Variants in CNTN4 observed in about 807,000 individuals in gnomAD.
CNTN4 encodes the protein contactin 4.
CNTN4 carries 77 observed loss-of-function variants against 122.5 expected under a neutral mutation model. The observed-to-expected ratio is 0.63, with a 90% confidence interval of 0.52 to 0.76. The LOEUF is 0.76. CNTN4 is among the 30% of genes least tolerant of loss of function. The pLI is 0.00. For missense variants in CNTN4, 1,256 were observed against 1,259.1 expected (o/e 1.00, Z 0.04); for synonymous variants, 512 against 447.0 (o/e 1.15, Z -1.83).
At chr3:2,274,641 A>T (rs976010984) in intron 2 of CNTN4, among the ~76,000 whole-genome samples, 1 of 152,154 alleles carries the variant, frequency 6.6e-6, no homozygotes, top group Non-Finnish European at 1.5e-5. Context: ...GCAAGTTAAA[A>T]TGTCAAGTAT....
chr3:2,296,798 AAAC>A (rs754468527), intron 2 of CNTN4, among the ~76,000 whole-genome samples: 28 of 90,648 alleles, frequency 3.1e-4, no homozygotes, highest in African/African-American at 1.1e-3. Flanking sequence ...TGAAAAAAAA[AAAC>A]AACAAAAAAC....
intron 3 of CNTN4, among the ~76,000 whole-genome samples, chr3:2,365,265 G>A (rs17213245): frequency 0.11 from 17,383 of 152,116 alleles, 1,244 homozygotes; most frequent in Non-Finnish European, 0.16. Flanking sequence ...TAGTTCCTAC[G>A]TTTAACCTGC....
intron 23 of CNTN4, among the ~76,000 whole-genome samples, chr3:3,050,694 C>T (rs1248654410): frequency 2.2e-5 from 3 of 135,592 alleles, no homozygotes; most frequent in African/African-American, 8.3e-5. Context: ...ACCCGGGAGG[C>T]GGAGGTTGTA....
intron 3 of CNTN4, among the ~76,000 whole-genome samples, chr3:2,399,979 A>G (rs1216708186): frequency 6.6e-6 from 1 of 152,078 alleles, no homozygotes; most frequent in Non-Finnish European, 1.5e-5. Context: ...ATAATTCAGG[A>G]AGAAATATAA....
intron 3 of CNTN4, among the ~76,000 whole-genome samples, chr3:2,525,433 T>C (rs2077367198): frequency 6.6e-6 from 1 of 152,148 alleles, no homozygotes; most frequent in African/African-American, 2.4e-5. Context: ...TTTCAGTCAG[T>C]TGAAAATATT....
At position 2,537,556 on chromosome 3, in the gene CNTN4, G is replaced by C. The variant is rs116061563; in HGVS notation, c.-88-33860G>C. 6.7e-3 allele frequency among the ~76,000 whole-genome samples: 1,022 copies of C among 152,102 alleles called. 8 individuals are homozygous for C. Among genetic ancestry groups the C allele is most frequent in the African/African-American group, 0.023 (967 of 41,502 alleles). On this transcript the variant is annotated intron_variant, in intron 3 of 24. Transcript: ENST00000418658. ...CTACATCTGATGAAAACTGTCCACT[G>C]TTCACATTATTTGTCATATGTATCT...
At chr3:2,535,919 G>A (rs2077786378) in intron 3 of CNTN4, among the ~76,000 whole-genome samples, 1 of 152,076 alleles carries the variant, frequency 6.6e-6, no homozygotes, top group African/African-American at 2.4e-5. Flanking sequence ...TTGGAAGCCT[G>A]AAGAAATCCC....
At chr3:2,176,157 A>G (rs543451669) in intron 2 of CNTN4, among the ~76,000 whole-genome samples, 1 of 152,180 alleles carries the variant, frequency 6.6e-6, no homozygotes. Flanking sequence ...TGCATTAACT[A>G]TGTAGCCAAT....
intron 4 of CNTN4, among the ~76,000 whole-genome samples, chr3:2,583,019 A>G (rs2080017100): frequency 6.6e-6 from 1 of 152,216 alleles, no homozygotes; most frequent in Non-Finnish European, 1.5e-5. Context: ...GCATAAGTAA[A>G]AAGAGACAAA....
intron 12 of CNTN4, among the ~76,000 whole-genome samples, chr3:2,914,279 T>A (rs2094331551): frequency 1.3e-5 from 2 of 151,916 alleles, no homozygotes; most frequent in African/African-American, 4.8e-5. Flanking sequence ...GAAAAATCAG[T>A]AGAAGTAATA....
At chr3:2,360,678 AAGG>A (rs2045095708) in intron 3 of CNTN4, among the ~76,000 whole-genome samples, 1 of 152,174 alleles carries the variant, frequency 6.6e-6, no homozygotes, top group South Asian at 2.1e-4. Flanking sequence ...GGGAAGCAGG[AAGG>A]AGAATTCCCA....
chr3:2,480,067 C>T (rs886255344), intron 3 of CNTN4, among the ~76,000 whole-genome samples: 1 of 152,024 alleles, frequency 6.6e-6, no homozygotes, highest in Non-Finnish European at 1.5e-5. Flanking sequence ...AGATTCAACA[C>T]TCATTCATGA....
intron 3 of CNTN4, among the ~76,000 whole-genome samples, chr3:2,506,984 G>A (rs183268827): frequency 6.6e-6 from 1 of 152,240 alleles, no homozygotes; most frequent in African/African-American, 2.4e-5. Flanking sequence ...TGGAATTATA[G>A]GACATTCTTG....
At chr3:2,886,042 G>A (rs898273261) in intron 9 of CNTN4, among the ~76,000 whole-genome samples, 1 of 152,072 alleles carries the variant, frequency 6.6e-6, no homozygotes, top group Non-Finnish European at 1.5e-5. Flanking sequence ...CATCACTTCT[G>A]TCTTATTTAT....
intron 13 of CNTN4, among the ~76,000 whole-genome samples, chr3:2,952,624 A>G (rs960897164): frequency 2.0e-5 from 3 of 152,214 alleles, no homozygotes; most frequent in African/African-American, 7.2e-5. Context: ...ACTGAAGAAT[A>G]TAACATTTTC....
At chr3:2,268,275 G>A (rs1037095295) in intron 2 of CNTN4, among the ~76,000 whole-genome samples, 2 of 152,000 alleles carry the variant, frequency 1.3e-5, no homozygotes, top group South Asian at 2.1e-4. Flanking sequence ...ACTTGAGAGA[G>A]CAAGCCTATA....
Position 2,306,455 on chromosome 3 carries a change from T to C in CNTN4, c.-144-32723T>C, listed in dbSNP as rs553345835. Among the ~76,000 whole-genome samples, 24 of 152,330 alleles carry C rather than the reference T, an allele frequency of 1.6e-4. No individual in the cohort carries two copies. In the South Asian group the frequency reaches 4.8e-3, roughly 30 times the overall value. ...CAGTTGTGTATCATCTTTGGATAAA[T>C]GTCTGTTCAAATTTTTGTCTATTTT... On this transcript the variant is annotated intron_variant, in intron 2 of 24. Transcript: ENST00000418658.
intron 13 of CNTN4, among the ~76,000 whole-genome samples, chr3:2,987,032 A>C (rs1048747110): frequency 6.6e-6 from 1 of 152,218 alleles, no homozygotes; most frequent in Admixed American, 6.5e-5. Context: ...GTTGGGAGAG[A>C]TCTATCAGGA....
At chr3:2,491,012 TA>T (rs1022313177) in intron 3 of CNTN4, among the ~76,000 whole-genome samples, 2 of 152,036 alleles carry the variant, frequency 1.3e-5, no homozygotes, top group African/African-American at 2.4e-5. Context: ...AAAGAAAGAA[TA>T]GGGGGGAAAA....
Sources: allele counts gnomAD v4.1 joint callset (sites outside exome capture counted in the v4.1 genomes callset), GRCh38; gene constraint gnomAD v4.1.1; transcripts MANE v1.5; gene names NCBI Gene and HGNC (gene_info 2026-07-23, HGNC 2026-07-21).